ATP12A: variants seen among roughly 807,000 people sequenced by gnomAD.
ATP12A encodes ATPase H+/K+ transporting non-gastric alpha2 subunit, also known as potassium-transporting ATPase alpha chain 2.
In ATP12A, 81 loss-of-function variants were observed where a neutral mutation model predicts 111.2. That is an observed-to-expected ratio of 0.73 (90% CI 0.61 to 0.88). The LOEUF is 0.88. Among genes scored for constraint, ATP12A ranks in the 40% least tolerant of loss-of-function variants. The pLI is 0.00. For missense variants in ATP12A, 1,196 were observed against 1,313.1 expected (o/e 0.91, Z 1.38); for synonymous variants, 498 against 499.8 (o/e 1.00, Z 0.05).
At position 24,709,485 on chromosome 13, in the gene ATP12A, T is replaced by A. The variant is rs139434348; in HGVS notation, c.2615T>A (p.Ile872Asn). The A allele has an allele frequency of 4.0e-5, 64 of 1,613,362 alleles. No individual in the cohort carries two copies. In the African/African-American group the frequency reaches 7.3e-4, roughly 19 times the overall value. The change falls in exon 18 of 23, where the codon ATT (isoleucine) becomes AAT (asparagine). Residue 872 changes from isoleucine (I) to asparagine (N), a missense_variant and splice_region_variant. Transcript: ENST00000381946. ...CTCGCTGTGTACTCATACCTGCACA[T>A]TGGTACGATGAGGGCGCGTCTTCCC... ...QPLAVYSYLH[I>N]GLMQALGAFL...
rs75607764 is a variant in ATP12A, at chr13:24,701,891, G to A, written c.1882-44G>A. Reference sequence around the variant, plus strand: ...TGAACCATCCCCACTTTGGCCAACCGAGTTCTTCATTACCCGTGGGCCTTC... The same window carrying A: ...TGAACCATCCCCACTTTGGCCAACCAAGTTCTTCATTACCCGTGGGCCTTC... On this transcript the variant is annotated intron_variant, in intron 13 of 22. Coordinates refer to ENST00000381946, the MANE Select transcript of ATP12A (RefSeq NM_001676.7). The A allele has an allele frequency of 1.9e-4, 308 of 1,613,088 alleles. No individual in the cohort carries two copies. In the African/African-American group the frequency reaches 2.4e-3, roughly 12 times the overall value.
rs1345220439 is a variant in ATP12A at position 24,708,878 on chromosome 13, G to GAA, written c.2494-485_2494-484insAA. Among the ~76,000 whole-genome samples the GAA allele has an allele frequency of 4.7e-4, 55 of 117,708 alleles. 1 individual carries two copies. Among genetic ancestry groups the GAA allele is most frequent in the African/African-American group, 1.3e-3 (43 of 33,914 alleles). 77.2% of individuals were successfully genotyped at this position (117,708 alleles called of 152,430 possible). A position where few individuals can be genotyped will look rare whatever the true frequency, so the allele number is the denominator to read the frequency against. ...AGAGGGAAAGAGAGAAAGAGAAAGA[G>GAA]AGAGAAAGAGAAAGAAAGAAAGGAA... On this transcript the variant is annotated intron_variant, in intron 17 of 22. Coordinates refer to ENST00000381946, the MANE Select transcript of ATP12A (RefSeq NM_001676.7).
Position 24,711,640 on chromosome 13 carries a change from A to G in ATP12A, c.*118A>G. 1.4e-6 allele frequency: 2 copies of G among 1,419,354 alleles called. No individual in the cohort carries two copies. Among genetic ancestry groups the G allele is most frequent in the Non-Finnish European group, 9.8e-7 (1 of 1,023,816 alleles). The allele number at this position is 1,419,354 out of a possible 1,614,324, so 87.9% of individuals were successfully genotyped here. A position where few individuals can be genotyped will look rare whatever the true frequency, so the allele number is the denominator to read the frequency against. ...CATCGTCAAAATTCAGACAAGAGGA[A>G]ATTTTCATGCAGAAAGCTGTATGCA... On this transcript the variant is annotated 3_prime_UTR_variant, in exon 23 of 23. Transcript: ENST00000381946.
intron 10 of ATP12A, among the ~76,000 whole-genome samples, chr13:24,693,147 T>G (rs1429452819): frequency 6.6e-6 from 1 of 152,250 alleles, no homozygotes; most frequent in Admixed American, 6.5e-5. Flanking sequence ...AATGCACTTC[T>G]AAGTTACTTT....
At chr13:24,682,092 G>GTA in intron 2 of ATP12A, among the ~76,000 whole-genome samples, 1 of 112,634 alleles carries the variant, frequency 8.9e-6, no homozygotes, top group East Asian at 2.8e-4. Flanking sequence ...TGTGTGGTGT[G>GTA]TGTGATGTGT....
chr13:24,708,964 G>GAGAGGAAGAAAGAAAGAAAGAAA, intron 17 of ATP12A, among the ~76,000 whole-genome samples: 1 of 114,822 alleles, frequency 8.7e-6, no homozygotes, highest in Non-Finnish European at 1.9e-5. Context: ...AAAGAAAGAA[G>GAGAGGAAGAAAGAAAGAAAGAAA]GAAAGAGAAA....
In ATP12A at chr13:24,692,620, C is replaced by T. The variant is rs976956465; in HGVS notation, c.1260C>T (p.Asp420=). Residue 420 remains aspartate, a synonymous_variant, in exon 9 of 23, where the codon GAC becomes GAT. Transcript: ENST00000381946. The stretch of plus-strand genomic sequence containing the variant: ...TCTTTGTGGCTGACACCAGTGAGGA[C>T]CATTCAAGTAAGTCTTATGGAGAGC... ...NQIFVADTSE[D]HSNQVFDQSS... 6.2e-7 allele frequency: 1 copy of T among 1,612,936 alleles called. No homozygotes were observed. Among genetic ancestry groups the T allele is most frequent in the Non-Finnish European group, 8.5e-7 (1 of 1,179,058 alleles).
chr13:24,708,937 G>GA (rs1370843821), intron 17 of ATP12A, among the ~76,000 whole-genome samples: 2 of 142,876 alleles, frequency 1.4e-5, no homozygotes, highest in Non-Finnish European at 3.0e-5. Flanking sequence ...AAGAAAGAAA[G>GA]AAAGAAAGAA....
intron 11 of ATP12A, among the ~76,000 whole-genome samples, chr13:24,696,233 G>A (rs2137704932): frequency 6.6e-6 from 1 of 152,268 alleles, no homozygotes; most frequent in East Asian, 1.9e-4. Flanking sequence ...CCGCGCATCA[G>A]TGCACAGTGT....
In ATP12A at chr13:24,692,485, C is replaced by T; in HGVS notation, c.1125C>T (p.Asn375=). The change falls in exon 9 of 23, where the codon AAC becomes AAT. Residue 375 remains asparagine, a synonymous_variant. Transcript: ENST00000381946. ...CCAAGAAGAACTGCCTGGTGAAGAA[C>T]CTGGAGGCTGTGGAGACCCTCGGCT... is the stretch of plus-strand genomic sequence containing the variant. The part of the protein sequence containing the change: ...RMAKKNCLVK[N]LEAVETLGST... 1.2e-6 allele frequency: 2 copies of T among 1,614,162 alleles called. No individual in the cohort carries two copies. The highest frequency in any genetic ancestry group is 2.2e-5 in the East Asian group (1 of 44,876).
At chr13:24,709,279 G>GCCCC in intron 17 of ATP12A, 85 bp from the exon 18 acceptor site, 2 of 211,220 alleles carry the variant, frequency 9.5e-6, no homozygotes, top group East Asian at 9.1e-5. Context: ...TCCAGCCAGT[G>GCCCC]CCCCACCCAC....
At position 24,703,844 on chromosome 13, in the gene ATP12A, T is replaced by C. The variant is rs572808505; in HGVS notation, c.2018+1773T>C. 7.4e-4 allele frequency among the ~76,000 whole-genome samples: 71 copies of C among 95,542 alleles called. 1 individual carries two copies. The highest frequency in any genetic ancestry group is 9.0e-4 in the Non-Finnish European group (39 of 43,276). The allele number at this position is 95,542 out of a possible 152,430, so 62.7% of individuals were successfully genotyped here. A position where few individuals can be genotyped will look rare whatever the true frequency, so the allele number is the denominator to read the frequency against. ...CTGCACCCAGCTTCATTTTAGCAGA[T>C]TTTTTTTTTTTTGAGATGGAGTCTT... On this transcript the variant is annotated intron_variant, in intron 14 of 22. Coordinates refer to ENST00000381946, the MANE Select transcript of ATP12A (RefSeq NM_001676.7).
Position 24,688,597 on chromosome 13 carries a change from G to A in ATP12A, c.432+75G>A, listed in dbSNP as rs893166744. On this transcript the variant is annotated intron_variant, in intron 4 of 22. Coordinates refer to ENST00000381946, the MANE Select transcript of ATP12A (RefSeq NM_001676.7). ...TGAGGCCTTGGGGGCACAGCTGGGG[G>A]CTGAATGCCACTGCCTAGGTGTGGG... is the stretch of plus-strand genomic sequence containing the variant. 6 of 1,370,506 alleles carry A rather than the reference G, an allele frequency of 4.4e-6. No homozygotes were observed. In the African/African-American group the frequency reaches 4.4e-5, roughly 10 times the overall value. 84.9% of individuals were successfully genotyped at this position (1,370,506 alleles called of 1,614,324 possible). A position where few individuals can be genotyped will look rare whatever the true frequency, so the allele number is the denominator to read the frequency against.
chr13:24,702,751 G>A (rs1029118399), intron 14 of ATP12A, among the ~76,000 whole-genome samples: 12 of 152,264 alleles, frequency 7.9e-5, no homozygotes, highest in South Asian at 2.1e-4. Flanking sequence ...TATCCACACC[G>A]TTGGGGAATC....
rs573858707 is a variant in ATP12A at position 24,707,493 on chromosome 13, G to A, written c.2493+60G>A. 1.6e-4 allele frequency: 250 copies of A among 1,603,298 alleles called. 1 individual carries two copies. The African/African-American group carries it at 3.1e-3, about 20-fold the overall frequency. ...TGCCCCAGGGGAGGTCAAGTTCAGG[G>A]TCGCTACCTTCAAGGGCCGGGGATG... On this transcript the variant is annotated intron_variant, in intron 17 of 22. Coordinates refer to ENST00000381946, the MANE Select transcript of ATP12A (RefSeq NM_001676.7).
intron 17 of ATP12A, among the ~76,000 whole-genome samples, chr13:24,708,897 A>G (rs9581153): frequency 0.028 from 3,423 of 120,920 alleles, 40 homozygotes; most frequent in African/African-American, 0.047. Flanking sequence ...AGAAAGAAAG[A>G]AAGGAAAGAA....
chr13:24,686,348 G>T (rs778826646), intron 3 of ATP12A, among the ~76,000 whole-genome samples: 1 of 150,990 alleles, frequency 6.6e-6, no homozygotes. Context: ...GCTGAGGCAG[G>T]AGAATCTCTG....
intron 2 of ATP12A, 61 bp downstream of exon 2, chr13:24,681,781 C>T: frequency 1.3e-6 from 2 of 1,594,082 alleles, no homozygotes; most frequent in Non-Finnish European, 1.7e-6. Context: ...AGAGCTTGCC[C>T]CTAGAACCCA....
At position 24,680,639 on chromosome 13, in the gene ATP12A, C is replaced by T. The variant is rs1314687405; in HGVS notation, c.-105C>T. 4 of 1,348,966 alleles carry T rather than the reference C, an allele frequency of 3.0e-6. No individual in the cohort carries two copies. Among genetic ancestry groups the T allele is most frequent in the Non-Finnish European group, 4.0e-6 (4 of 1,000,092 alleles). The allele number at this position is 1,348,966 out of a possible 1,614,324, so 83.6% of individuals were successfully genotyped here. The stretch of plus-strand genomic sequence containing the variant: ...GGTATCTCCACCGCCAACACCTCAG[C>T]CACTGCCACTGCCACAGCCACACGA... On this transcript the variant is annotated 5_prime_UTR_variant, in exon 1 of 23. Transcript: ENST00000381946.
Sources: allele counts gnomAD v4.1 joint callset (sites outside exome capture counted in the v4.1 genomes callset), GRCh38; gene constraint gnomAD v4.1.1; transcripts MANE v1.5; gene names NCBI Gene and HGNC (gene_info 2026-07-23, HGNC 2026-07-21).